TRAPPC9: variants seen among roughly 807,000 people sequenced by gnomAD.
The protein encoded by TRAPPC9 is trafficking protein particle complex subunit 9.
In TRAPPC9, 83 loss-of-function variants were observed where a neutral mutation model predicts 124.0. That is an observed-to-expected ratio of 0.67 (90% CI 0.56 to 0.80). The LOEUF (loss-of-function observed/expected upper bound fraction) is 0.80. TRAPPC9 is among the 30% of genes least tolerant of loss of function. The pLI is 0.00. For synonymous variants in TRAPPC9, 638 were observed against 617.5 expected, an observed-to-expected ratio of 1.03 and a Z score of -0.49; for missense variants, 1,302 against 1,508.3, an observed-to-expected ratio of 0.86 and a Z score of 2.27.
chr8:139,882,961 G>C (rs1333989313), intron 21 of TRAPPC9, among the ~76,000 whole-genome samples: 1 of 152,180 alleles, frequency 6.6e-6, no homozygotes, highest in Non-Finnish European at 1.5e-5. Flanking sequence ...ATGAAAAAAG[G>C]GTGCTACGGA....
rs373302700 is a variant in TRAPPC9 at position 140,300,496 on chromosome 8, G to A, written c.1741C>T (p.Arg581Cys). 5.0e-6 allele frequency: 8 copies of A among 1,614,176 alleles called. No individual in the cohort carries two copies. The highest frequency in any genetic ancestry group is 2.2e-5 in the East Asian group (1 of 44,884). ...ATTTTCTTGTTCCGCTCTTCTCCAC[G>A]GTTGTGTGCGATAATTGGTGAATAG... ...FIYSPIIAHNRGEERNKKIDF... is the reference protein window; with the variant it reads ...FIYSPIIAHNCGEERNKKIDF... Residue 581 changes from arginine (R) to cysteine (C), a missense_variant, in exon 11 of 23, where the codon CGT (arginine) becomes TGT (cysteine). This residue lies in a region of TRAPPC9 where 657 missense variants were observed against 811.2 expected (regional missense o/e 0.81). Transcript: ENST00000438773.
chr8:140,206,845 C>G (rs2062931554), intron 17 of TRAPPC9, among the ~76,000 whole-genome samples: 1 of 152,088 alleles, frequency 6.6e-6, no homozygotes, highest in Non-Finnish European at 1.5e-5. Context: ...CCACCACTCC[C>G]TGCGCCTTTT....
intron 17 of TRAPPC9, among the ~76,000 whole-genome samples, chr8:140,064,413 G>A (rs191388201): frequency 4.6e-5 from 7 of 152,126 alleles, no homozygotes; most frequent in Admixed American, 3.3e-4. Flanking sequence ...ATTTTAAAAC[G>A]GATGAAATAT....
intron 19 of TRAPPC9, among the ~76,000 whole-genome samples, chr8:139,975,355 G>A (rs767718340): frequency 1.3e-5 from 2 of 152,136 alleles, no homozygotes; most frequent in Non-Finnish European, 2.9e-5. Flanking sequence ...CAGATCGCTG[G>A]GCCCTGCCCC....
chr8:140,060,078 C>A (rs1842505672), intron 17 of TRAPPC9, among the ~76,000 whole-genome samples: 1 of 152,188 alleles, frequency 6.6e-6, no homozygotes, highest in South Asian at 2.1e-4. Flanking sequence ...TCGCTGTCAT[C>A]CTTTAAAGAG....
chr8:140,247,682 C>T (rs1319317951), intron 16 of TRAPPC9, among the ~76,000 whole-genome samples: 1 of 152,110 alleles, frequency 6.6e-6, no homozygotes. Flanking sequence ...TATATGTATG[C>T]ATGCATGCAT....
intron 17 of TRAPPC9, among the ~76,000 whole-genome samples, chr8:140,036,435 G>A (rs1840885137): frequency 6.6e-6 from 1 of 152,064 alleles, no homozygotes; most frequent in Admixed American, 6.6e-5. Context: ...TACGCTGAGT[G>A]GGAAGGGAAA....
chr8:139,855,520 C>T (rs1827743980), intron 21 of TRAPPC9, among the ~76,000 whole-genome samples: 1 of 152,178 alleles, frequency 6.6e-6, no homozygotes, highest in Non-Finnish European at 1.5e-5. Context: ...CTCACCACAG[C>T]TGTGCAAGTG....
At chr8:139,924,969 G>A (rs895529561) in intron 19 of TRAPPC9, among the ~76,000 whole-genome samples, 1 of 152,214 alleles carries the variant, frequency 6.6e-6, no homozygotes, top group Non-Finnish European at 1.5e-5. Context: ...AGAGGGTAGA[G>A]CCAGAGCAGA....
intron 17 of TRAPPC9, among the ~76,000 whole-genome samples, 170 bp from the exon 18 acceptor site, chr8:140,024,249 G>A (rs13258710): frequency 4.6e-5 from 7 of 151,852 alleles, no homozygotes; most frequent in East Asian, 1.9e-4. Context: ...TCACACCCCC[G>A]GCGGGGACCG....
chr8:139,922,665 C>A (rs1832584687), intron 19 of TRAPPC9, among the ~76,000 whole-genome samples: 1 of 152,210 alleles, frequency 6.6e-6, no homozygotes, highest in African/African-American at 2.4e-5. Flanking sequence ...AGGGCTTCCT[C>A]CCCCAGTTCC....
intron 9 of TRAPPC9, among the ~76,000 whole-genome samples, chr8:140,347,711 T>C (rs917701617): frequency 2.6e-5 from 4 of 152,370 alleles, no homozygotes; most frequent in African/African-American, 2.4e-5. Context: ...TCTGTTGCAA[T>C]AGAGTTGACT....
intron 19 of TRAPPC9, among the ~76,000 whole-genome samples, chr8:139,986,900 G>T (rs1340717030): frequency 6.6e-6 from 1 of 152,188 alleles, no homozygotes; most frequent in Non-Finnish European, 1.5e-5. Flanking sequence ...CCAATGTTCT[G>T]AGTTTTTCCA....
chr8:140,439,057 AG>A lies in TRAPPC9; in HGVS notation c.724del (p.Gly243GlufsTer81). On this transcript the variant is annotated frameshift_variant, in exon 3 of 23. Transcript: ENST00000438773. LOFTEE classifies it high-confidence loss of function. The stretch of plus-strand genomic sequence containing the variant: ...TCTTCATCAGCTCATCTTACCTCCA[AG>A]CCACAGAAAGTCATTCACAGAACGC... Reference protein sequence around the residue: ...LLRSVNDFLWLGAALEGLCSA... With the variant: ...LLRSVNDFLWXGAALEGLCSA... The A allele has an allele frequency of 6.2e-7, 1 of 1,614,170 alleles. No homozygotes were observed. The highest frequency in any genetic ancestry group is 8.5e-7 in the Non-Finnish European group (1 of 1,180,028).
In TRAPPC9 at chr8:140,302,876, C is replaced by A. The variant is rs565649927; in HGVS notation, c.1623-2262G>T. 3.3e-5 allele frequency: 5 copies of A among 152,326 alleles called. No individual in the cohort carries two copies. In the South Asian group the frequency reaches 1.0e-3, roughly 32 times the overall value. The allele number at this position is 152,326 out of a possible 1,614,324, so 9.4% of individuals were successfully genotyped here. A position where few individuals can be genotyped will look rare whatever the true frequency, so the allele number is the denominator to read the frequency against. ...GCCAGCTGTAGTAGCAAGGTGGGGC[C>A]AGCCGCTCCCATCCTGAATGCTGCT... On this transcript the variant is annotated intron_variant, in intron 10 of 22. Coordinates refer to ENST00000438773, the MANE Select transcript of TRAPPC9 (RefSeq NM_001160372.4).
At chr8:139,945,720 G>A (rs1307729061) in intron 19 of TRAPPC9, among the ~76,000 whole-genome samples, 1 of 152,204 alleles carries the variant, frequency 6.6e-6, no homozygotes, top group African/African-American at 2.4e-5. Context: ...TGAAGCTCAT[G>A]TGGGTCATGA....
intron 9 of TRAPPC9, among the ~76,000 whole-genome samples, chr8:140,341,271 C>T (rs2067187113): frequency 6.6e-6 from 1 of 152,138 alleles, no homozygotes; most frequent in African/African-American, 2.4e-5. Context: ...TCCTGAGTGG[C>T]TAACGGGACC....
In TRAPPC9 at chr8:139,801,004, C is replaced by T. The variant is rs549459468; in HGVS notation, c.3056-68802G>A. ...ATCTTCCCCCGCTCTGGCACCTTCC[C>T]TCCCTCCGGCATCTTCCCTCCCTCC... is the stretch of plus-strand genomic sequence containing the variant. On this transcript the variant is annotated intron_variant, in intron 21 of 22. Transcript: ENST00000438773. Among the ~76,000 whole-genome samples, 162 of 150,860 alleles carry T rather than the reference C, an allele frequency of 1.1e-3. 1 individual carries two copies. Among genetic ancestry groups the T allele is most frequent in the African/African-American group, 3.8e-3 (157 of 40,788 alleles).
At chr8:139,886,058 G>A (rs1829996768) in intron 20 of TRAPPC9, 89 bp from the exon 21 acceptor site, 2 of 1,235,676 alleles carry the variant, frequency 1.6e-6, no homozygotes, top group African/African-American at 1.5e-5. Flanking sequence ...CCTCAGATGG[G>A]AAACCTCCTA....
Sources: allele counts gnomAD v4.1 joint callset (sites outside exome capture counted in the v4.1 genomes callset), GRCh38; gene constraint gnomAD v4.1.1; regional missense constraint gnomAD v4.1.1; transcripts MANE v1.5; gene names NCBI Gene and HGNC (gene_info 2026-07-23, HGNC 2026-07-21).